The following HDAC9 variants were observed in gnomAD, a reference collection of about 807,000 sequenced individuals.
HDAC9 encodes the protein MEF-2 interacting transcription repressor (MITR) protein.
HDAC9 carries 41 observed loss-of-function variants against 139.4 expected under a neutral mutation model. The observed-to-expected ratio is 0.29, with a 90% CI of 0.23 to 0.38. The LOEUF is 0.38. Ranked by LOEUF, HDAC9 falls within the 10% of genes least tolerant of loss-of-function variation. The pLI, the probability that HDAC9 is intolerant of heterozygous loss-of-function variation, is 1.00. For synonymous variants in HDAC9, 517 were observed against 476.2 expected, an observed-to-expected ratio of 1.09 and a Z score of -1.12; for missense variants, 1,147 against 1,297.0, an observed-to-expected ratio of 0.88 and a Z score of 1.78.
At chr7:18,265,516 A>G (rs1795938729) in intron 2 of HDAC9, among the ~76,000 whole-genome samples, 2 of 152,124 alleles carry the variant, frequency 1.3e-5, no homozygotes, top group South Asian at 4.1e-4. Context: ...GTCTATGCAC[A>G]TTTCTTAAGT....
At chr7:18,843,099 A>T (rs1414579677) in intron 21 of HDAC9, among the ~76,000 whole-genome samples, 2 of 152,122 alleles carry the variant, frequency 1.3e-5, no homozygotes, top group Non-Finnish European at 2.9e-5. Flanking sequence ...ATTTTCTGGA[A>T]TCTGTATAGC....
At chr7:18,559,012 C>T (rs1423620257) in intron 2 of HDAC9, among the ~76,000 whole-genome samples, 2 of 152,150 alleles carry the variant, frequency 1.3e-5, no homozygotes, top group East Asian at 3.9e-4. Context: ...GGTGAGGTGA[C>T]ATCCCTGTTT....
At position 18,868,425 on chromosome 7, in the gene HDAC9, C is replaced by T. The variant is rs142017297; in HGVS notation, c.2685-6053C>T. Reference sequence around the variant, plus strand: ...AGAAAGAGGCAATCTGAGTGTGTTGCTTGGTTGCTGGCATCAAGGAAAGGT... The same window carrying T: ...AGAAAGAGGCAATCTGAGTGTGTTGTTTGGTTGCTGGCATCAAGGAAAGGT... On this transcript the variant is annotated intron_variant, in intron 21 of 25. Coordinates refer to ENST00000686413, the MANE Select transcript of HDAC9 (RefSeq NM_178425.4). Among the ~76,000 whole-genome samples, 7 of 152,328 alleles carry T rather than the reference C, an allele frequency of 4.6e-5. No homozygotes were observed. In the East Asian group the frequency reaches 1.2e-3, roughly 25 times the overall value.
chr7:18,915,765 T>C (rs1029414146), intron 22 of HDAC9, among the ~76,000 whole-genome samples: 1 of 151,830 alleles, frequency 6.6e-6, no homozygotes, highest in African/African-American at 2.4e-5. Context: ...CCATTTTAAC[T>C]CCAATTTTTT....
At chr7:18,507,520 G>T (rs1448554001) in intron 2 of HDAC9, among the ~76,000 whole-genome samples, 1 of 149,364 alleles carries the variant, frequency 6.7e-6, no homozygotes, top group African/African-American at 2.5e-5. Flanking sequence ...TTGAGATGAG[G>T]TTTTGCTCTT....
chr7:18,678,671 T>C (rs1781686449), intron 12 of HDAC9, among the ~76,000 whole-genome samples: 1 of 151,902 alleles, frequency 6.6e-6, no homozygotes, highest in Non-Finnish European at 1.5e-5. Context: ...TGCAACATAT[T>C]CACATTTTTC....
At chr7:18,222,511 T>A (rs760386609) in intron 2 of HDAC9, among the ~76,000 whole-genome samples, 2 of 152,174 alleles carry the variant, frequency 1.3e-5, no homozygotes, top group Non-Finnish European at 2.9e-5. Flanking sequence ...AAAGGAATTG[T>A]TAAATGTTTA....
intron 2 of HDAC9, among the ~76,000 whole-genome samples, chr7:18,222,956 A>C (rs963589562): frequency 2.1e-4 from 32 of 152,170 alleles, no homozygotes; most frequent in African/African-American, 7.2e-4. Flanking sequence ...ACTGCTCTCT[A>C]AAAGGTTTTG....
At chr7:18,797,969 G>GAT (rs147765289) in intron 17 of HDAC9, among the ~76,000 whole-genome samples, 5,371 of 148,286 alleles carry the variant, frequency 0.036, 236 homozygotes, top group African/African-American at 0.098. Context: ...TCCATGTGGA[G>GAT]ATATATATAT....
intron 12 of HDAC9, among the ~76,000 whole-genome samples, chr7:18,682,414 G>A (rs183964732): frequency 2.7e-4 from 41 of 151,928 alleles, no homozygotes; most frequent in East Asian, 1.4e-3. Flanking sequence ...TGTATAGAGC[G>A]TGATATTTCT....
At chr7:18,637,832 G>A (rs1438917978) in intron 8 of HDAC9, among the ~76,000 whole-genome samples, 1 of 152,008 alleles carries the variant, frequency 6.6e-6, no homozygotes, top group African/African-American at 2.4e-5. Context: ...CTCGATAGGT[G>A]AGGAGACAGC....
At chr7:18,732,506 T>C (rs143073628) in intron 13 of HDAC9, among the ~76,000 whole-genome samples, 4 of 151,024 alleles carry the variant, frequency 2.6e-5, no homozygotes, top group African/African-American at 4.9e-5. Flanking sequence ...TATGTGTATA[T>C]ACATATATAC....
intron 11 of HDAC9, among the ~76,000 whole-genome samples, chr7:18,660,463 G>C (rs1792759419): frequency 6.6e-6 from 1 of 152,110 alleles, no homozygotes. Flanking sequence ...TTGTTACTAA[G>C]CATTAATAAT....
intron 2 of HDAC9, among the ~76,000 whole-genome samples, chr7:18,179,523 T>C (rs1213689959): frequency 2.0e-5 from 3 of 152,224 alleles, no homozygotes; most frequent in Non-Finnish European, 4.4e-5. Context: ...AAGCTTTGTT[T>C]TTTTTGCTTC....
chr7:18,987,011 A>G (rs1037394822), intron 25 of HDAC9, among the ~76,000 whole-genome samples: 1 of 152,214 alleles, frequency 6.6e-6, no homozygotes, highest in Non-Finnish European at 1.5e-5. Context: ...TGTCATCTGC[A>G]AACAGGGACA....
chr7:18,922,666 C>A (rs989413509), intron 22 of HDAC9, among the ~76,000 whole-genome samples: 1 of 151,982 alleles, frequency 6.6e-6, no homozygotes, highest in African/African-American at 2.4e-5. Context: ...TATATTTGAC[C>A]CTTAGAGAAA....
chr7:18,247,114 T>C (rs1333067831), intron 2 of HDAC9, among the ~76,000 whole-genome samples: 1 of 151,882 alleles, frequency 6.6e-6, no homozygotes, highest in Non-Finnish European at 1.5e-5. Context: ...TTGAGATGTC[T>C]GGTCATCTGA....
At chr7:18,702,008 C>A (rs1025462823) in intron 12 of HDAC9, among the ~76,000 whole-genome samples, 1 of 152,214 alleles carries the variant, frequency 6.6e-6, no homozygotes, top group African/African-American at 2.4e-5. Flanking sequence ...CTCTTTCACT[C>A]TTTTTCTTAC....
At chr7:18,175,494 A>C (rs1299366898) in intron 2 of HDAC9, among the ~76,000 whole-genome samples, 1 of 152,138 alleles carries the variant, frequency 6.6e-6, no homozygotes. Context: ...AGTGAGGTGA[A>C]CCAGGCATCT....
Sources: gnomAD v4.1 joint callset for allele counts (sites outside exome capture counted in the v4.1 genomes callset) on GRCh38, gnomAD v4.1.1 for gene constraint, MANE v1.5 for transcripts, NCBI Gene and HGNC (gene_info 2026-07-23, HGNC 2026-07-21) for gene names.